The following SNX24 variants were observed in gnomAD, a reference collection of about 807,000 sequenced individuals.
SNX24 encodes sorting nexin-24.
SNX24 carries 22 observed loss-of-function variants against 28.7 expected under a neutral mutation model. The observed-to-expected ratio is 0.77, with a 90% CI of 0.55 to 1.10. The LOEUF is 1.10. SNX24 is among the 50% of genes least tolerant of loss of function. The probability of loss-of-function intolerance (pLI) is 0.00; values close to 1 mark genes in which losing one functional copy is unlikely to be tolerated. For missense variants in SNX24, 221 were observed against 201.1 expected (o/e 1.10, Z -0.60); for synonymous variants, 69 against 71.5 (o/e 0.96, Z 0.18).
chr5:122,911,408 G>A (rs1432568578), intron 1 of SNX24, among the ~76,000 whole-genome samples: 49 of 151,974 alleles, frequency 3.2e-4, no homozygotes, highest in South Asian at 8.4e-4. Context: ...ATTTTCTTCC[G>A]TTTTGTAGGT....
intron 1 of SNX24, among the ~76,000 whole-genome samples, chr5:122,868,440 G>A (rs1429441398): frequency 6.6e-6 from 1 of 152,106 alleles, no homozygotes; most frequent in African/African-American, 2.4e-5. Context: ...AAAGTAGAGT[G>A]GTTATTCATA....
intron 1 of SNX24, among the ~76,000 whole-genome samples, chr5:122,918,021 A>T (rs964808406): frequency 3.3e-5 from 5 of 152,216 alleles, no homozygotes; most frequent in Admixed American, 6.5e-5. Context: ...CAGAGCTTGC[A>T]GTGAGCTGAG....
chr5:122,921,217 C>A (rs936498160), intron 1 of SNX24, among the ~76,000 whole-genome samples: 4 of 151,720 alleles, frequency 2.6e-5, no homozygotes, highest in Non-Finnish European at 5.9e-5. Flanking sequence ...ATTGGATGTA[C>A]TATTTATCCC....
At chr5:122,997,000 A>G (rs34714850) in intron 3 of SNX24, among the ~76,000 whole-genome samples, 28,729 of 152,178 alleles carry the variant, frequency 0.19, 3,596 homozygotes, top group Non-Finnish European at 0.29. Flanking sequence ...AGAAGTTGTA[A>G]ATGGAACAGT....
intron 3 of SNX24, among the ~76,000 whole-genome samples, chr5:122,952,937 T>A (rs1421913996): frequency 6.6e-6 from 1 of 152,146 alleles, no homozygotes; most frequent in African/African-American, 2.4e-5. Context: ...AACATCCTAC[T>A]TCTTTCTGGA....
intron 3 of SNX24, among the ~76,000 whole-genome samples, chr5:122,952,976 C>T (rs1035429795): frequency 2.6e-5 from 4 of 152,078 alleles, no homozygotes; most frequent in African/African-American, 9.7e-5. Flanking sequence ...ATGGGAGGTA[C>T]AATACACAAG....
chr5:123,007,940 G>A lies in SNX24; in HGVS notation c.*191G>A, dbSNP rs570704696. ...TGCTCTTAAAAATAGAAACTGAACCGGGGCGGTGGTCAGGCTAAGGCCAAG... is the reference window on the plus strand; with the variant it reads ...TGCTCTTAAAAATAGAAACTGAACCAGGGCGGTGGTCAGGCTAAGGCCAAG... On this transcript the variant is annotated 3_prime_UTR_variant, in exon 7 of 7. Coordinates refer to ENST00000261369, the MANE Select transcript of SNX24 (RefSeq NM_014035.4). The A allele has an allele frequency of 1.0e-5, 14 of 1,373,164 alleles. No individual in the cohort carries two copies. Among genetic ancestry groups the A allele is most frequent in the Middle Eastern group, 2.7e-4 (1 of 3,654 alleles). 85.1% of individuals were successfully genotyped at this position (1,373,164 alleles called of 1,614,324 possible).
At chr5:122,858,052 A>G (rs1755289543) in intron 1 of SNX24, among the ~76,000 whole-genome samples, 1 of 152,204 alleles carries the variant, frequency 6.6e-6, no homozygotes, top group Non-Finnish European at 1.5e-5. Flanking sequence ...AAGTGCTGGG[A>G]TTACAGGACC....
intron 1 of SNX24, among the ~76,000 whole-genome samples, chr5:122,927,721 CT>C (rs1279548996): frequency 6.6e-6 from 1 of 152,164 alleles, no homozygotes; most frequent in Non-Finnish European, 1.5e-5. Flanking sequence ...CTAAAGGCCC[CT>C]ATTTGACTTC....
At chr5:123,010,635 A>G (rs1033416335), downstream of SNX24, among the ~76,000 whole-genome samples, 1 of 152,188 alleles carries the variant, frequency 6.6e-6, no homozygotes, top group African/African-American at 2.4e-5. Context: ...TAAAAAATAT[A>G]TAAAACTATA....
chr5:122,894,401 A>G (rs1159348050), intron 1 of SNX24, among the ~76,000 whole-genome samples: 2 of 152,048 alleles, frequency 1.3e-5, no homozygotes, highest in Admixed American at 1.3e-4. Context: ...GTCATATTAT[A>G]TATAATCTTT....
intron 2 of SNX24, among the ~76,000 whole-genome samples, chr5:122,943,685 G>C (rs1420523559): frequency 6.6e-6 from 1 of 152,050 alleles, no homozygotes; most frequent in Non-Finnish European, 1.5e-5. Context: ...CTCATCACAT[G>C]ACACCTTACT....
intron 1 of SNX24, among the ~76,000 whole-genome samples, chr5:122,935,747 T>C (rs1455370553): frequency 6.6e-6 from 1 of 152,234 alleles, no homozygotes; most frequent in East Asian, 1.9e-4. Context: ...GTAGTTTTTA[T>C]TTTTAGACTA....
intron 1 of SNX24, among the ~76,000 whole-genome samples, chr5:122,886,675 C>G (rs912287583): frequency 5.9e-5 from 9 of 151,778 alleles, no homozygotes; most frequent in South Asian, 2.1e-4. Flanking sequence ...ACTAAAAATA[C>G]AAAAATTAGC....
intron 5 of SNX24, among the ~76,000 whole-genome samples, chr5:123,015,384 CTGTGTATAGTTTGCT>C (rs1228644037): frequency 1.3e-5 from 2 of 152,234 alleles, no homozygotes; most frequent in African/African-American, 4.8e-5. Flanking sequence ...AAAACAGTGA[CTGTGTATAGTTTGCT>C]CACCAGTCTG....
Position 122,897,281 on chromosome 5 carries a change from T to G in SNX24, c.61-39453T>G, listed in dbSNP as rs1757244406. The stretch of plus-strand genomic sequence containing the variant: ...TTTTTTAAAACAGAGTTCCCAACAG[T>G]AAGCCAGAATGTTTATACCACTTCT... On this transcript the variant is annotated intron_variant, in intron 1 of 6. Transcript: ENST00000261369. Among the ~76,000 whole-genome samples the G allele has an allele frequency of 2.6e-5, 4 of 152,296 alleles. No individual in the cohort carries two copies. In the South Asian group the frequency reaches 8.3e-4, roughly 32 times the overall value.
chr5:123,028,234 G>A (rs868758124), intron 5 of SNX24, among the ~76,000 whole-genome samples: 2 of 152,200 alleles, frequency 1.3e-5, no homozygotes, highest in African/African-American at 2.4e-5. Context: ...AGCCAGGAGT[G>A]TGAGTCACTT....
At chr5:122,893,285 ATT>A (rs796824563) in intron 1 of SNX24, among the ~76,000 whole-genome samples, 1 of 145,290 alleles carries the variant, frequency 6.9e-6, no homozygotes, top group Admixed American at 6.9e-5. Flanking sequence ...ACATGACCCC[ATT>A]TTTTTTTTTG....
intron 3 of SNX24, among the ~76,000 whole-genome samples, chr5:122,982,543 T>C (rs1761436897): frequency 6.6e-6 from 1 of 152,228 alleles, no homozygotes; most frequent in Admixed American, 6.5e-5. Flanking sequence ...AGGAGAAAGA[T>C]GCCAATGTTC....
Sources: gnomAD v4.1 joint callset for allele counts (sites outside exome capture counted in the v4.1 genomes callset) on GRCh38, gnomAD v4.1.1 for gene constraint, MANE v1.5 for transcripts, NCBI Gene and HGNC (gene_info 2026-07-23, HGNC 2026-07-21) for gene names.